The following GRB14 variants were observed in gnomAD, a reference collection of about 807,000 sequenced individuals.
The protein encoded by GRB14 is growth factor receptor bound protein 14, also known as growth factor receptor-bound protein 14.
A neutral mutation model predicts 69.1 loss-of-function variants in GRB14; 38 were observed. That is an observed-to-expected ratio of 0.55 (90% confidence interval 0.42 to 0.72). The LOEUF (loss-of-function observed/expected upper bound fraction) is 0.72. GRB14 is among the 30% of genes least tolerant of loss of function. GRB14 has a pLI of 0.00. For synonymous variants in GRB14, 247 were observed against 241.3 expected, an observed-to-expected ratio of 1.02 and a Z score of -0.22; for missense variants, 666 against 666.1, an observed-to-expected ratio of 1.00 and a Z score of 0.00.
intron 6 of GRB14, 98 bp downstream of exon 6, chr2:164,521,882 G>C: frequency 9.1e-7 from 1 of 1,101,974 alleles, no homozygotes. Flanking sequence ...ACCAACCTTT[G>C]ACATCAAGTA....
At chr2:164,601,159 A>AT (rs1689904874) in intron 2 of GRB14, among the ~76,000 whole-genome samples, 1 of 152,170 alleles carries the variant, frequency 6.6e-6, no homozygotes, top group African/African-American at 2.4e-5. Context: ...TTCAGTAAGA[A>AT]TACATCCTGA....
chr2:164,557,670 C>G (rs2105319355), intron 2 of GRB14, among the ~76,000 whole-genome samples: 1 of 152,218 alleles, frequency 6.6e-6, no homozygotes, highest in African/African-American at 2.4e-5. Flanking sequence ...CACCCCTGAC[C>G]AAGGCTCTTT....
chr2:164,498,005 A>C (rs1686949551), intron 9 of GRB14, among the ~76,000 whole-genome samples: 1 of 152,184 alleles, frequency 6.6e-6, no homozygotes, highest in South Asian at 2.1e-4. Context: ...AGATTGACAT[A>C]TATCTCTTGA....
At chr2:164,600,356 G>A (rs1689886495) in intron 2 of GRB14, among the ~76,000 whole-genome samples, 1 of 152,124 alleles carries the variant, frequency 6.6e-6, no homozygotes, top group African/African-American at 2.4e-5. Context: ...GTAGACAATG[G>A]TTATCCTTTA....
In GRB14 at chr2:164,621,364, G is replaced by A. The variant is rs777610711; in HGVS notation, c.-55C>T. The A allele has an allele frequency of 3.2e-6, 4 of 1,237,682 alleles. No individual in the cohort carries two copies. Among genetic ancestry groups the A allele is most frequent in the South Asian group, 3.8e-5 (1 of 26,006 alleles). The allele number at this position is 1,237,682 out of a possible 1,614,324, so 76.7% of individuals were successfully genotyped here. On this transcript the variant is annotated 5_prime_UTR_variant, in exon 1 of 14. Transcript: ENST00000263915. This position sits in a 1 kb window ranked among gnomAD's most constrained non-coding sequence, Gnocchi z 6.0. Reference sequence around the variant, plus strand: ...GGGAGACTCGGCGCGTGGGGAGAAGGGGTTTGCGCGGCGGGAGGCGAGGTG... The same window carrying A: ...GGGAGACTCGGCGCGTGGGGAGAAGAGGTTTGCGCGGCGGGAGGCGAGGTG...
intron 6 of GRB14, among the ~76,000 whole-genome samples, chr2:164,509,604 G>A (rs1687284974): frequency 6.6e-6 from 1 of 152,038 alleles, no homozygotes; most frequent in South Asian, 2.1e-4. Flanking sequence ...AATCAAATCT[G>A]ACCAAAATGC....
chr2:164,574,200 C>T, intron 2 of GRB14: 6 of 583,966 alleles, frequency 1.0e-5, no homozygotes, highest in Non-Finnish European at 1.5e-5. Flanking sequence ...TTTTCCCCTC[C>T]ACTCTAACAG....
At chr2:164,551,614 G>A (rs1236610471) in intron 2 of GRB14, among the ~76,000 whole-genome samples, 1 of 152,050 alleles carries the variant, frequency 6.6e-6, no homozygotes, top group Non-Finnish European at 1.5e-5. Context: ...TTAGTTGCAC[G>A]TGTGATTCCT....
intron 2 of GRB14, among the ~76,000 whole-genome samples, chr2:164,615,301 TTTCTC>T: frequency 6.6e-6 from 1 of 152,188 alleles, no homozygotes; most frequent in Non-Finnish European, 1.5e-5. Context: ...ATTTGATAGA[TTTCTC>T]AGACCAATTT....
intron 2 of GRB14, among the ~76,000 whole-genome samples, chr2:164,583,069 T>C (rs1291576943): frequency 6.6e-6 from 1 of 152,212 alleles, no homozygotes; most frequent in Non-Finnish European, 1.5e-5. Context: ...AAAATTCTTT[T>C]ACTATGCTTC....
At chr2:164,510,128 A>AT (rs1376889193) in intron 6 of GRB14, among the ~76,000 whole-genome samples, 2 of 152,190 alleles carry the variant, frequency 1.3e-5, no homozygotes, top group African/African-American at 4.8e-5. Context: ...ATAAAAATTA[A>AT]TTTGCTGGTA....
chr2:164,516,410 C>G (rs1246776210), intron 6 of GRB14, among the ~76,000 whole-genome samples: 1 of 151,882 alleles, frequency 6.6e-6, no homozygotes, highest in Non-Finnish European at 1.5e-5. Context: ...ATCACTTGAA[C>G]CTGGGAGGCA....
intron 2 of GRB14, among the ~76,000 whole-genome samples, chr2:164,549,187 C>T (rs566078713): frequency 2.0e-5 from 3 of 152,188 alleles, no homozygotes; most frequent in African/African-American, 7.2e-5. Context: ...GTCCTTCGCT[C>T]ATTTTTAATT....
At chr2:164,592,587 A>G (rs1344281940) in intron 2 of GRB14, among the ~76,000 whole-genome samples, 1 of 152,202 alleles carries the variant, frequency 6.6e-6, no homozygotes, top group Non-Finnish European at 1.5e-5. Context: ...AGCATCAGCC[A>G]CTAGACACAT....
intron 2 of GRB14, among the ~76,000 whole-genome samples, chr2:164,555,286 A>G (rs1007946945): frequency 1.3e-5 from 2 of 152,200 alleles, no homozygotes; most frequent in African/African-American, 4.8e-5. Flanking sequence ...AATGTCACGG[A>G]GCAGAAGAGG....
At chr2:164,605,479 T>C (rs183023604) in intron 2 of GRB14, among the ~76,000 whole-genome samples, 3 of 152,256 alleles carry the variant, frequency 2.0e-5, no homozygotes, top group Admixed American at 1.3e-4. Context: ...CACACTGCAA[T>C]TGAGGCCGTG....
chr2:164,574,923 C>A (rs1299923975), intron 2 of GRB14, among the ~76,000 whole-genome samples: 3 of 150,918 alleles, frequency 2.0e-5, no homozygotes, highest in Admixed American at 6.6e-5. Context: ...GAGGGAGACC[C>A]TATCTCAAAA....
chr2:164,575,645 ATTTAT>A (rs1461804273), intron 2 of GRB14, among the ~76,000 whole-genome samples: 1 of 152,160 alleles, frequency 6.6e-6, no homozygotes, highest in African/African-American at 2.4e-5. Flanking sequence ...ATTCTAAGTA[ATTTAT>A]TTTATAATGC....
intron 2 of GRB14, among the ~76,000 whole-genome samples, chr2:164,601,213 C>A (rs1179651749): frequency 6.6e-6 from 1 of 151,592 alleles, no homozygotes; most frequent in East Asian, 2.0e-4. Flanking sequence ...GAAAGTCATT[C>A]AAAATCTTAT....
Sources: allele counts gnomAD v4.1 joint callset (sites outside exome capture counted in the v4.1 genomes callset), GRCh38; gene constraint gnomAD v4.1.1; non-coding constraint Gnocchi (gnomAD v3.1); transcripts MANE v1.5; gene names NCBI Gene and HGNC (gene_info 2026-07-23, HGNC 2026-07-21).